The following CCDC148 variants were observed in gnomAD, a reference collection of about 807,000 sequenced individuals.
The protein encoded by CCDC148 is coiled-coil domain-containing protein 148.
In CCDC148, 89 loss-of-function variants were observed where a neutral mutation model predicts 85.7. The observed-to-expected ratio is 1.04, with a 90% confidence interval of 0.87 to 1.24. The LOEUF (loss-of-function observed/expected upper bound fraction) is 1.24. CCDC148 is among the 50% of genes most tolerant of loss of function. The probability of loss-of-function intolerance (pLI) is 0.00; values close to 1 mark genes in which losing one functional copy is unlikely to be tolerated. For missense variants in CCDC148, 692 were observed against 671.7 expected (o/e 1.03, Z -0.33); for synonymous variants, 230 against 213.9 (o/e 1.08, Z -0.66).
intron 7 of CCDC148, among the ~76,000 whole-genome samples, chr2:158,325,447 T>C (rs542558561): frequency 6.6e-6 from 1 of 152,322 alleles, no homozygotes; most frequent in Non-Finnish European, 1.5e-5. Context: ...GCTCTTCCTC[T>C]TGTCCCTGAC....
intron 10 of CCDC148, among the ~76,000 whole-genome samples, chr2:158,250,070 C>A (rs1688726439): frequency 6.6e-6 from 1 of 151,928 alleles, no homozygotes. Context: ...AAATGTCTAA[C>A]AAAAATATTT....
intron 1 of CCDC148, among the ~76,000 whole-genome samples, chr2:158,434,007 G>A (rs1248647494): frequency 6.6e-6 from 1 of 152,230 alleles, no homozygotes; most frequent in Non-Finnish European, 1.5e-5. Flanking sequence ...GCAGATCAAG[G>A]AGGCCTGCCT....
At chr2:158,273,820 A>G (rs1489894784) in intron 9 of CCDC148, among the ~76,000 whole-genome samples, 1 of 152,136 alleles carries the variant, frequency 6.6e-6, no homozygotes, top group African/African-American at 2.4e-5. Flanking sequence ...TATAGGGTCA[A>G]TTTAGGTTCA....
At chr2:158,313,510 C>G (rs962856143) in intron 8 of CCDC148, among the ~76,000 whole-genome samples, 1 of 152,220 alleles carries the variant, frequency 6.6e-6, no homozygotes, top group African/African-American at 2.4e-5. Context: ...CAGTGAAGAT[C>G]TCCGCAGCAA....
chr2:158,275,734 T>C (rs1263239845), intron 9 of CCDC148, among the ~76,000 whole-genome samples: 1 of 76,486 alleles, frequency 1.3e-5, no homozygotes, highest in South Asian at 5.2e-4. Context: ...AAAATTTAAA[T>C]TGAAAAAAAA....
intron 1 of CCDC148, among the ~76,000 whole-genome samples, chr2:158,441,894 C>T (rs1687949163): frequency 6.6e-6 from 1 of 151,966 alleles, no homozygotes; most frequent in African/African-American, 2.4e-5. Flanking sequence ...TTTTATGTGC[C>T]TTCTTTTCAT....
intron 1 of CCDC148, among the ~76,000 whole-genome samples, chr2:158,441,202 G>A (rs1687916701): frequency 6.6e-6 from 1 of 152,138 alleles, no homozygotes; most frequent in Admixed American, 6.5e-5. Context: ...TGGGGTGAGT[G>A]GATCACGCTA....
intron 1 of CCDC148, among the ~76,000 whole-genome samples, chr2:158,378,194 A>G (rs1574720767): frequency 6.6e-6 from 1 of 152,266 alleles, no homozygotes; most frequent in Non-Finnish European, 1.5e-5. Flanking sequence ...ATAAGAAAAC[A>G]AAACAGTCTT....
intron 1 of CCDC148, among the ~76,000 whole-genome samples, chr2:158,443,897 C>G (rs1688050869): frequency 1.3e-5 from 2 of 152,166 alleles, no homozygotes; most frequent in Admixed American, 1.3e-4. Context: ...CTATATTAAA[C>G]ACAATTTATC....
chr2:158,225,954 T>TC (rs2105307621), intron 10 of CCDC148, among the ~76,000 whole-genome samples: 1 of 152,060 alleles, frequency 6.6e-6, no homozygotes, highest in South Asian at 2.1e-4. Context: ...ATAACTAAGA[T>TC]CAGAGCAGAA....
At chr2:158,293,868 C>T (rs1691010050) in intron 9 of CCDC148, among the ~76,000 whole-genome samples, 1 of 151,602 alleles carries the variant, frequency 6.6e-6, no homozygotes, top group Admixed American at 6.6e-5. Flanking sequence ...GCTCAGCTTG[C>T]AGCCAGGCAT....
intron 2 of CCDC148, among the ~76,000 whole-genome samples, chr2:158,351,991 T>C (rs1273631655): frequency 7.1e-6 from 1 of 141,516 alleles, no homozygotes; most frequent in African/African-American, 2.8e-5. Flanking sequence ...GGCAGGGTAT[T>C]CCAACAGACC....
intron 1 of CCDC148, among the ~76,000 whole-genome samples, chr2:158,440,690 CTCTT>C (rs1687895258): frequency 6.6e-6 from 1 of 152,180 alleles, no homozygotes; most frequent in South Asian, 2.1e-4. Flanking sequence ...AATGTGGTCT[CTCTT>C]TCAAAATATC....
intron 1 of CCDC148, among the ~76,000 whole-genome samples, chr2:158,366,758 A>G (rs1248212334): frequency 6.6e-6 from 1 of 152,094 alleles, no homozygotes; most frequent in Non-Finnish European, 1.5e-5. Context: ...CACCTGCCCA[A>G]TCCCACTTCC....
At chr2:158,397,627 A>T (rs1291772723) in intron 1 of CCDC148, among the ~76,000 whole-genome samples, 2 of 152,212 alleles carry the variant, frequency 1.3e-5, no homozygotes, top group Non-Finnish European at 2.9e-5. Flanking sequence ...TTCCTGAAGG[A>T]AGCCATAAAC....
intron 10 of CCDC148, among the ~76,000 whole-genome samples, chr2:158,250,499 C>G (rs562298501): frequency 2.8e-5 from 4 of 140,424 alleles, no homozygotes; most frequent in Admixed American, 7.3e-5. Context: ...TAACAACTGT[C>G]ACAACCTTGT....
intron 7 of CCDC148, among the ~76,000 whole-genome samples, chr2:158,328,189 G>A (rs927424746): frequency 6.6e-6 from 1 of 152,058 alleles, no homozygotes; most frequent in Admixed American, 6.6e-5. Context: ...ACAGGCCCCA[G>A]TGTGCGATGT....
chr2:158,429,099 A>ACACAGGGTGGGGAACAT (rs1475675929), intron 1 of CCDC148, among the ~76,000 whole-genome samples: 4 of 150,806 alleles, frequency 2.7e-5, no homozygotes, highest in African/African-American at 9.8e-5. Context: ...GAACACTTGG[A>ACACAGGGTGGGGAACAT]CACAGGGTGG....
intron 1 of CCDC148, among the ~76,000 whole-genome samples, chr2:158,397,838 A>AT (rs1397832355): frequency 2.0e-5 from 3 of 152,132 alleles, no homozygotes; most frequent in Non-Finnish European, 4.4e-5. Context: ...AGACTAGCAA[A>AT]TTGGATAAAG....
Sources: gnomAD v4.1 joint callset for allele counts (sites outside exome capture counted in the v4.1 genomes callset) on GRCh38, gnomAD v4.1.1 for gene constraint, MANE v1.5 for transcripts, NCBI Gene and HGNC (gene_info 2026-07-23, HGNC 2026-07-21) for gene names.